Variants in ZPBP observed in about 807,000 individuals in gnomAD.
The protein encoded by ZPBP is zona pellucida-binding protein 1.
ZPBP carries 26 observed loss-of-function variants against 44.8 expected under a neutral mutation model. The ratio of observed to expected loss-of-function variants is 0.58; its 90% CI spans 0.43 to 0.81. The LOEUF (loss-of-function observed/expected upper bound fraction) is 0.81. ZPBP is among the 30% of genes least tolerant of loss of function. The pLI is 0.00. For synonymous variants in ZPBP, 174 were observed against 153.2 expected, an observed-to-expected ratio of 1.14 and a Z score of -1.00; for missense variants, 409 against 434.0, an observed-to-expected ratio of 0.94 and a Z score of 0.51.
intron 5 of ZPBP, among the ~76,000 whole-genome samples, chr7:50,019,320 T>C (rs895289852): frequency 2.6e-5 from 4 of 152,086 alleles, no homozygotes; most frequent in Non-Finnish European, 4.4e-5. Context: ...GTACATGACT[T>C]TAAGTTGTTC....
chr7:50,092,954 G>A (rs1407352620), intron 1 of ZPBP, 114 bp downstream of exon 1: 6 of 1,414,884 alleles, frequency 4.2e-6, no homozygotes, highest in Non-Finnish European at 5.6e-6. Flanking sequence ...ACGTATTAGT[G>A]AGCAAGGTGT....
intron 1 of ZPBP, chr7:49,913,697 G>T (rs1419917782): frequency 6.6e-6 from 1 of 152,116 alleles, no homozygotes; most frequent in Non-Finnish European, 1.5e-5. Context: ...TGTATTAGGA[G>T]CCAAACTAGA....
At chr7:49,945,890 T>A (rs1795084017) in intron 7 of ZPBP, among the ~76,000 whole-genome samples, 2 of 152,116 alleles carry the variant, frequency 1.3e-5, no homozygotes, top group Non-Finnish European at 2.9e-5. Flanking sequence ...GTTTTCTGGT[T>A]GTTTTGTGGT....
chr7:50,007,539 G>C (rs1227431946), intron 6 of ZPBP, among the ~76,000 whole-genome samples: 1 of 151,906 alleles, frequency 6.6e-6, no homozygotes, highest in Non-Finnish European at 1.5e-5. Context: ...CATTCTATGA[G>C]GCCAATACTG....
chr7:49,854,433 T>C (rs1790331667), intron 2 of ZPBP, among the ~76,000 whole-genome samples: 1 of 152,156 alleles, frequency 6.6e-6, no homozygotes, highest in Admixed American at 6.5e-5. Context: ...TATCTCATTG[T>C]GGTTTTGATT....
chr7:50,018,168 A>G, intron 6 of ZPBP, 72 bp downstream of exon 6: 1 of 1,091,612 alleles, frequency 9.2e-7, no homozygotes, highest in East Asian at 2.4e-5. Context: ...ATAAATAGCT[A>G]GGATGCTTAC....
intron 7 of ZPBP, among the ~76,000 whole-genome samples, chr7:49,982,159 AAT>A (rs1797014200): frequency 3.3e-5 from 1 of 30,420 alleles, no homozygotes; most frequent in Admixed American, 4.0e-4. Context: ...TATAATATAT[AAT>A]ATATATTATA....
chr7:49,968,400 A>G (rs1796149894), intron 7 of ZPBP, among the ~76,000 whole-genome samples: 1 of 152,104 alleles, frequency 6.6e-6, no homozygotes, highest in South Asian at 2.1e-4. Context: ...TTTTGTAAAA[A>G]TTATGAGATG....
chr7:49,920,041 T>G (rs1793949497), intron 1 of ZPBP: 1 of 152,176 alleles, frequency 6.6e-6, no homozygotes, highest in African/African-American at 2.4e-5. Context: ...ATGGTGTTTT[T>G]TTTTGGTACA....
At chr7:50,022,252 TATAAC>T (rs1799136032) in intron 5 of ZPBP, among the ~76,000 whole-genome samples, 1 of 152,022 alleles carries the variant, frequency 6.6e-6, no homozygotes, top group Non-Finnish European at 1.5e-5. Context: ...TATAGATAAA[TATAAC>T]AGTCAGTATT....
At chr7:49,910,519 T>C (rs1409532830) in intron 1 of ZPBP, among the ~76,000 whole-genome samples, 1 of 152,122 alleles carries the variant, frequency 6.6e-6, no homozygotes, top group Non-Finnish European at 1.5e-5. Context: ...TGTTTGAATT[T>C]TGGAGGGAGG....
intron 7 of ZPBP, among the ~76,000 whole-genome samples, chr7:49,939,587 C>CA (rs997049171): frequency 1.5e-4 from 23 of 150,626 alleles, no homozygotes; most frequent in Admixed American, 2.6e-4. Context: ...TGATAAAGTA[C>CA]AAAAAAAAGT....
intron 3 of ZPBP, among the ~76,000 whole-genome samples, chr7:50,074,181 T>G (rs1801974879): frequency 1.3e-5 from 2 of 152,134 alleles, no homozygotes; most frequent in Admixed American, 1.3e-4. Flanking sequence ...TCTTTTTGTT[T>G]GTTTATGCAA....
intron 2 of ZPBP, among the ~76,000 whole-genome samples, chr7:49,857,009 CAAAAAAAAAAAAAAAAAA>C (rs59910243): frequency 3.8e-5 from 2 of 52,764 alleles, no homozygotes; most frequent in African/African-American, 1.6e-4. Context: ...GATACTGTCT[CAAAAAAAAAAAAAAAAAA>C]AAAAAAAAAA....
chr7:49,934,448 A>T (rs1562784444), downstream of ZPBP, among the ~76,000 whole-genome samples: 6 of 10,678 alleles, frequency 5.6e-4, no homozygotes, highest in South Asian at 0.011. Context: ...AGAGGGTATA[A>T]AAAAAAAAAA....
At chr7:49,973,519 T>C (rs1419390458) in intron 7 of ZPBP, among the ~76,000 whole-genome samples, 2 of 151,904 alleles carry the variant, frequency 1.3e-5, no homozygotes, top group Non-Finnish European at 2.9e-5. Context: ...TAATTTAAAA[T>C]TGGACAAAAG....
chr7:49,991,965 G>A lies in ZPBP; in HGVS notation c.784-8446C>T, dbSNP rs539758877. On this transcript the variant is annotated intron_variant, in intron 6 of 7. Transcript: ENST00000046087. ...GTAAGAATGTAGGAAGGAAGGGAGAGAAAGAAGGAAAAGGAGATGAGAGCT... is the reference window on the plus strand; with the variant it reads ...GTAAGAATGTAGGAAGGAAGGGAGAAAAAGAAGGAAAAGGAGATGAGAGCT... 4.0e-4 allele frequency among the ~76,000 whole-genome samples: 61 copies of A among 151,780 alleles called. 1 individual carries two copies. The highest frequency in any genetic ancestry group is 1.7e-3 in the Admixed American group (26 of 15,218).
chr7:49,872,692 G>A (rs1245434915), intron 2 of ZPBP, among the ~76,000 whole-genome samples: 1 of 150,380 alleles, frequency 6.6e-6, no homozygotes, highest in Non-Finnish European at 1.5e-5. Context: ...GATCACCTGA[G>A]GTCAGGAGTT....
chr7:49,957,399 T>C (rs141489757), intron 7 of ZPBP, among the ~76,000 whole-genome samples: 39 of 152,202 alleles, frequency 2.6e-4, no homozygotes, highest in African/African-American at 8.4e-4. Flanking sequence ...GAAGGAAATA[T>C]GTGAAAAGAG....
Sources: gnomAD v4.1 joint callset for allele counts (sites outside exome capture counted in the v4.1 genomes callset) on GRCh38, gnomAD v4.1.1 for gene constraint, MANE v1.5 for transcripts, NCBI Gene and HGNC (gene_info 2026-07-23, HGNC 2026-07-21) for gene names.